The following PGGT1B variants were observed in gnomAD, a reference collection of about 807,000 sequenced individuals.
The protein encoded by PGGT1B is protein geranylgeranyltransferase type I subunit beta, also known as geranylgeranyl transferase type-1 subunit beta.
PGGT1B carries 30 observed loss-of-function variants against 46.1 expected under a neutral mutation model. The ratio of observed to expected loss-of-function variants is 0.65; its 90% CI spans 0.49 to 0.88. The LOEUF (loss-of-function observed/expected upper bound fraction) is 0.88. PGGT1B is among the 40% of genes least tolerant of loss of function. PGGT1B has a pLI of 0.00. For missense variants in PGGT1B, 376 were observed against 455.9 expected (o/e 0.82, Z 1.60); for synonymous variants, 170 against 160.0 (o/e 1.06, Z -0.47).
At chr5:115,232,661 C>T (rs1278006671) in intron 5 of PGGT1B, among the ~76,000 whole-genome samples, 1 of 151,912 alleles carries the variant, frequency 6.6e-6, no homozygotes, top group Non-Finnish European at 1.5e-5. Flanking sequence ...CATAATTTTT[C>T]CCATTGATGA....
In PGGT1B at chr5:115,205,070, A is replaced by C. The variant is rs1391269239; in HGVS notation, c.*7332T>G. The C allele has an allele frequency of 6.6e-6, 1 of 152,212 alleles. No homozygotes were observed. The highest frequency in any genetic ancestry group is 6.5e-5 in the Admixed American group (1 of 15,280). 9.4% of individuals were successfully genotyped at this position (152,212 alleles called of 1,614,324 possible). ...AGTTGCACTTTATCAAATCGATTTT[A>C]GTGATTGTTTTCCTTCAATCTTTAG... is the stretch of plus-strand genomic sequence containing the variant. On this transcript the variant is annotated 3_prime_UTR_variant, in exon 9 of 9. Coordinates refer to ENST00000419445, the MANE Select transcript of PGGT1B (RefSeq NM_005023.4).
At chr5:115,262,548 C>A (rs1216188157) in intron 1 of PGGT1B, 164 bp downstream of exon 1, 2 of 722,484 alleles carry the variant, frequency 2.8e-6, no homozygotes, top group East Asian at 2.7e-5. Context: ...TCCCACCGTA[C>A]GGCGGGAGAG....
intron 6 of PGGT1B, among the ~76,000 whole-genome samples, chr5:115,226,929 G>T (rs1410318140): frequency 1.3e-5 from 2 of 151,934 alleles, no homozygotes; most frequent in Admixed American, 1.3e-4. Flanking sequence ...TGACGGTTAT[G>T]AAAAGAGAAA....
chr5:115,251,007 T>C (rs1376623725), intron 2 of PGGT1B, among the ~76,000 whole-genome samples: 2 of 152,326 alleles, frequency 1.3e-5, no homozygotes, highest in Non-Finnish European at 2.9e-5. Context: ...TTATCCATTA[T>C]ACTGAAGATG....
rs200558648 is a variant in PGGT1B, at chr5:115,262,842, T to C, written c.10A>G (p.Thr4Ala). The change falls in exon 1 of 9, where the codon ACT becomes GCT. Residue 4 changes from threonine to alanine, a missense_variant. Around this residue, in one of 2 missense-constraint regions of PGGT1B, gnomAD observed 154 missense variants for 142.3 expected, o/e 1.08. Coordinates refer to ENST00000419445, the MANE Select transcript of PGGT1B (RefSeq NM_005023.4). ...CTCCCTGCTAGCCTCTCATCCTCAG[T>C]GGCCGCCATGCTGCTCCGGAAGCGA... MAATEDERLAGSGE... is the reference protein window; with the variant it reads MAAAEDERLAGSGE... 1.8e-4 allele frequency: 289 copies of C among 1,611,966 alleles called. No homozygotes were observed. The highest frequency in any genetic ancestry group is 2.3e-4 in the Non-Finnish European group (275 of 1,179,884).
intron 2 of PGGT1B, among the ~76,000 whole-genome samples, chr5:115,242,614 T>C (rs1250027991): frequency 1.3e-5 from 2 of 152,194 alleles, no homozygotes; most frequent in Admixed American, 1.3e-4. Context: ...TAGGAACCAC[T>C]AAATTTAAAC....
At chr5:115,235,394 G>A (rs192227494) in intron 5 of PGGT1B, among the ~76,000 whole-genome samples, 1 of 151,902 alleles carries the variant, frequency 6.6e-6, no homozygotes, top group African/African-American at 2.4e-5. Flanking sequence ...CAACACTATT[G>A]GATAAAAATT....
chr5:115,217,926 A>G (rs1467225114), intron 7 of PGGT1B, among the ~76,000 whole-genome samples: 1 of 152,000 alleles, frequency 6.6e-6, no homozygotes, highest in Non-Finnish European at 1.5e-5. Flanking sequence ...GCAATAAACA[A>G]TATTTTCACT....
At position 115,206,178 on chromosome 5, in the gene PGGT1B, A is replaced by C. The variant is rs1756057156; in HGVS notation, c.*6224T>G. ...ATTGTATTGGGATGAGTAATACTTAAATGTTCAGATATTTAAAGAATATTC... is the reference window on the plus strand; with the variant it reads ...ATTGTATTGGGATGAGTAATACTTACATGTTCAGATATTTAAAGAATATTC... On this transcript the variant is annotated 3_prime_UTR_variant, in exon 9 of 9. Coordinates refer to ENST00000419445, the MANE Select transcript of PGGT1B (RefSeq NM_005023.4). The C allele has an allele frequency of 6.6e-6, 1 of 151,852 alleles. No homozygotes were observed. The highest frequency in any genetic ancestry group is 1.5e-5 in the Non-Finnish European group (1 of 67,842). The allele number at this position is 151,852 out of a possible 1,614,324, so 9.4% of individuals were successfully genotyped here. A position where few individuals can be genotyped will look rare whatever the true frequency, so the allele number is the denominator to read the frequency against.
rs1431770664 is a variant in PGGT1B at position 115,208,805 on chromosome 5, C to T, written c.*3597G>A. On this transcript the variant is annotated 3_prime_UTR_variant, in exon 9 of 9. Transcript: ENST00000419445. ...CTTGGTTAATTTTCCCCTTTTCCTA[C>T]TTTTATTGATAACTGTACTAATTAA... 6.6e-6 allele frequency: 1 copy of T among 151,928 alleles called. No homozygotes were observed. The highest frequency in any genetic ancestry group is 1.5e-5 in the Non-Finnish European group (1 of 67,954). The allele number at this position is 151,928 out of a possible 1,614,324, so 9.4% of individuals were successfully genotyped here. A position where few individuals can be genotyped will look rare whatever the true frequency, so the allele number is the denominator to read the frequency against.
At chr5:115,243,170 T>C (rs1183573864) in intron 2 of PGGT1B, among the ~76,000 whole-genome samples, 2 of 152,234 alleles carry the variant, frequency 1.3e-5, no homozygotes, top group Admixed American at 1.3e-4. Context: ...AACTTGCCAA[T>C]ATATAACAGA....
At chr5:115,261,192 T>C (rs1302082898) in intron 1 of PGGT1B, among the ~76,000 whole-genome samples, 1 of 152,224 alleles carries the variant, frequency 6.6e-6, no homozygotes, top group East Asian at 1.9e-4. Context: ...ACATCTCATA[T>C]CACTACAATC....
intron 7 of PGGT1B, among the ~76,000 whole-genome samples, chr5:115,220,374 C>T (rs1256991509): frequency 6.6e-6 from 1 of 151,778 alleles, no homozygotes; most frequent in African/African-American, 2.4e-5. Context: ...TGTATGATTT[C>T]ACCTATATGA....
chr5:115,245,465 A>G (rs1747792765), intron 2 of PGGT1B, among the ~76,000 whole-genome samples: 1 of 152,222 alleles, frequency 6.6e-6, no homozygotes, highest in South Asian at 2.1e-4. Flanking sequence ...TGAGTTCTAT[A>G]GGCAAGTAAC....
intron 2 of PGGT1B, among the ~76,000 whole-genome samples, chr5:115,248,178 C>A (rs1409576688): frequency 2.0e-5 from 3 of 152,116 alleles, no homozygotes; most frequent in Non-Finnish European, 4.4e-5. Context: ...TATTAAGGAA[C>A]AGATACTAGA....
intron 6 of PGGT1B, among the ~76,000 whole-genome samples, chr5:115,228,373 G>A (rs1435045901): frequency 1.3e-5 from 2 of 152,178 alleles, no homozygotes; most frequent in Non-Finnish European, 1.5e-5. Flanking sequence ...TAAGTGAGAA[G>A]AAGCAGACAA....
intron 7 of PGGT1B, among the ~76,000 whole-genome samples, chr5:115,220,840 T>TA (rs1756568093): frequency 6.6e-6 from 1 of 151,880 alleles, no homozygotes; most frequent in African/African-American, 2.4e-5. Context: ...CCAGAGAATA[T>TA]AAAAAATGAT....
At chr5:115,222,936 G>C (rs1255615280) in intron 6 of PGGT1B, among the ~76,000 whole-genome samples, 2 of 152,176 alleles carry the variant, frequency 1.3e-5, no homozygotes, top group Non-Finnish European at 2.9e-5. Context: ...CCTGGACACA[G>C]GGTGGGGAAC....
At chr5:115,257,921 T>C (rs1010134501) in intron 1 of PGGT1B, among the ~76,000 whole-genome samples, 19 of 152,234 alleles carry the variant, frequency 1.2e-4, no homozygotes, top group African/African-American at 4.6e-4. Context: ...AGCACATAGA[T>C]GCTGCCATAA....
Sources: allele counts gnomAD v4.1 joint callset (sites outside exome capture counted in the v4.1 genomes callset), GRCh38; gene constraint gnomAD v4.1.1; regional missense constraint gnomAD v4.1.1; transcripts MANE v1.5; gene names NCBI Gene and HGNC (gene_info 2026-07-23, HGNC 2026-07-21).